The following MCPH1 variants were observed in gnomAD, a reference collection of about 807,000 sequenced individuals.
MCPH1 encodes microcephalin.
MCPH1 carries 104 observed loss-of-function variants against 84.5 expected under a neutral mutation model. That is an observed-to-expected ratio of 1.23 (90% CI 1.05 to 1.45). The LOEUF (loss-of-function observed/expected upper bound fraction) is 1.45. Ranked by LOEUF, MCPH1 falls within the 40% of genes most tolerant of loss-of-function variation. The probability of loss-of-function intolerance (pLI) is 0.00; values close to 1 mark genes in which losing one functional copy is unlikely to be tolerated. For missense variants in MCPH1, 1,498 were observed against 1,005.7 expected, an observed-to-expected ratio of 1.49 and a Z score of -6.62; for synonymous variants, 514 against 366.8, an observed-to-expected ratio of 1.40 and a Z score of -4.58.
chr8:6,546,460 G>C (rs1210308052), intron 12 of MCPH1, among the ~76,000 whole-genome samples: 1 of 152,218 alleles, frequency 6.6e-6, no homozygotes, highest in Admixed American at 6.5e-5. Context: ...TCCAAAGTTT[G>C]AGAAGCCAGG....
intron 3 of MCPH1, 149 bp from the exon 4 acceptor site, chr8:6,431,350 G>A (rs1276793756): frequency 1.6e-6 from 1 of 628,278 alleles, no homozygotes; most frequent in Non-Finnish European, 2.8e-6. Context: ...ACTGACTTTT[G>A]TATTTGCAGT....
At chr8:6,528,309 G>A (rs1818768778) in intron 12 of MCPH1, among the ~76,000 whole-genome samples, 1 of 152,224 alleles carries the variant, frequency 6.6e-6, no homozygotes, top group Non-Finnish European at 1.5e-5. Context: ...AATGAGACAA[G>A]TAGGAGTATA....
intron 13 of MCPH1, chr8:6,625,603 T>C: frequency 1.0e-6 from 1 of 985,322 alleles, no homozygotes; most frequent in Non-Finnish European, 1.2e-6. Flanking sequence ...AACTGGAATA[T>C]CAACTGCTTT....
intron 10 of MCPH1, among the ~76,000 whole-genome samples, chr8:6,479,564 A>G (rs1446175744): frequency 1.3e-5 from 2 of 151,390 alleles, no homozygotes; most frequent in Non-Finnish European, 1.5e-5. Context: ...CCTCCTGAGT[A>G]TCTGGGACTA....
intron 12 of MCPH1, among the ~76,000 whole-genome samples, chr8:6,609,819 GC>G (rs11280683): frequency 0.33 from 35,168 of 106,004 alleles, 7,745 homozygotes; most frequent in Non-Finnish European, 0.44. Flanking sequence ...AATGCCCCCC[GC>G]CCCCCCCCCA....
At chr8:6,407,907 A>C (rs1241382625) in intron 1 of MCPH1, among the ~76,000 whole-genome samples, 1 of 152,220 alleles carries the variant, frequency 6.6e-6, no homozygotes, top group African/African-American at 2.4e-5. Context: ...ATGAAAAATT[A>C]TATCACATTC....
chr8:6,422,799 C>A (rs959384828), intron 3 of MCPH1, among the ~76,000 whole-genome samples: 6 of 152,156 alleles, frequency 3.9e-5, no homozygotes, highest in Non-Finnish European at 5.9e-5. Context: ...TGCCATTCTC[C>A]TGCCTCAGCC....
At chr8:6,472,785 CA>C (rs1343446959) in intron 9 of MCPH1, among the ~76,000 whole-genome samples, 1 of 152,048 alleles carries the variant, frequency 6.6e-6, no homozygotes, top group Non-Finnish European at 1.5e-5. Flanking sequence ...GTTTTAAGTA[CA>C]AAATATATCA....
intron 2 of MCPH1, among the ~76,000 whole-genome samples, chr8:6,411,356 A>C (rs1482289554): frequency 1.3e-5 from 2 of 152,330 alleles, no homozygotes; most frequent in East Asian, 3.9e-4. Flanking sequence ...CTATATAGAA[A>C]TAAATAAATA....
At chr8:6,628,643 G>T (rs1796939949) in intron 13 of MCPH1, among the ~76,000 whole-genome samples, 1 of 152,304 alleles carries the variant, frequency 6.6e-6, no homozygotes, top group East Asian at 1.9e-4. Flanking sequence ...TGTATATGCT[G>T]CTCCAAGCAT....
intron 12 of MCPH1, among the ~76,000 whole-genome samples, chr8:6,599,155 C>G (rs1326067507): frequency 2.6e-5 from 4 of 152,182 alleles, no homozygotes; most frequent in African/African-American, 9.7e-5. Context: ...AGTCCTCTTC[C>G]TAATCTCAGT....
intron 12 of MCPH1, among the ~76,000 whole-genome samples, chr8:6,564,964 A>T (rs1229084144): frequency 6.6e-6 from 1 of 152,240 alleles, no homozygotes; most frequent in Non-Finnish European, 1.5e-5. Flanking sequence ...CTCTGGAAGG[A>T]TCTCATTAGT....
intron 13 of MCPH1, chr8:6,626,650 C>A (rs1047443684): frequency 2.0e-6 from 2 of 984,650 alleles, no homozygotes; most frequent in African/African-American, 3.5e-5. Context: ...TTGCATTTTC[C>A]CCCCAACACT....
Position 6,505,311 on chromosome 8 carries a change from C to T in MCPH1, c.2214+5382C>T, listed in dbSNP as rs542304124. Among the ~76,000 whole-genome samples the T allele has an allele frequency of 3.3e-4, 13 of 39,252 alleles. 3 individuals carry two copies. Among genetic ancestry groups the T allele is most frequent in the East Asian group, 2.2e-3 (3 of 1,356 alleles). 25.8% of individuals were successfully genotyped at this position (39,252 alleles called of 152,430 possible). Reference sequence around the variant, plus strand: ...GTTATATACATATATATGTATATAACATATATATGTTATATACATATAGAA... The same window carrying T: ...GTTATATACATATATATGTATATAATATATATATGTTATATACATATAGAA... On this transcript the variant is annotated intron_variant, in intron 12 of 13. Transcript: ENST00000344683.
intron 12 of MCPH1, among the ~76,000 whole-genome samples, chr8:6,556,084 G>T (rs1338270312): frequency 6.6e-6 from 1 of 152,132 alleles, no homozygotes; most frequent in Non-Finnish European, 1.5e-5. Context: ...GTCCCAGTGG[G>T]CGAGAATTGC....
Position 6,439,082 on chromosome 8 carries a change from A to G in MCPH1, c.566A>G (p.Asn189Ser). The G allele has an allele frequency of 6.2e-7, 1 of 1,613,306 alleles. No homozygotes were observed. Residue 189 changes from asparagine to serine, a missense_variant, in exon 6 of 14, where the codon AAT becomes AGT. Physicochemically the swap from Asn to Ser is conservative, Grantham distance 46. Transcript: ENST00000344683. Reference sequence around the variant, plus strand: ...CAAGAGATGAAGGAGAAAAGGGAAAATCTTTCCCCCACCTGTAAGTAATTA... The same window carrying G: ...CAAGAGATGAAGGAGAAAAGGGAAAGTCTTTCCCCCACCTGTAAGTAATTA... The part of the protein sequence containing the change: ...RLQEMKEKRE[N>S]LSPTSSQMIQ...
chr8:6,519,776 G>T, intron 12 of MCPH1: 1 of 1,495,224 alleles, frequency 6.7e-7, no homozygotes. Context: ...GAAGATCTTT[G>T]GGGAGAGACT....
intron 12 of MCPH1, among the ~76,000 whole-genome samples, chr8:6,519,156 G>A (rs748710975): frequency 3.3e-5 from 5 of 152,304 alleles, no homozygotes; most frequent in South Asian, 2.1e-4. Context: ...TCCAGACTGC[G>A]TTAGATGAGG....
intron 3 of MCPH1, among the ~76,000 whole-genome samples, chr8:6,418,069 G>A (rs1266959274): frequency 6.6e-6 from 1 of 152,152 alleles, no homozygotes; most frequent in Non-Finnish European, 1.5e-5. Flanking sequence ...TGTTGTTCAG[G>A]GGTCAGCCAG....
Sources: gnomAD v4.1 joint callset for allele counts (sites outside exome capture counted in the v4.1 genomes callset) on GRCh38, gnomAD v4.1.1 for gene constraint, MANE v1.5 for transcripts, NCBI Gene and HGNC (gene_info 2026-07-23, HGNC 2026-07-21) for gene names.